DHRS3: variants seen among roughly 807,000 people sequenced by gnomAD.
DHRS3 encodes short-chain dehydrogenase/reductase 3.
DHRS3 carries 14 observed loss-of-function variants against 27.2 expected under a neutral mutation model. The observed-to-expected ratio is 0.52, with a 90% CI of 0.34 to 0.81. The LOEUF (loss-of-function observed/expected upper bound fraction) is 0.81. Ranked by LOEUF, DHRS3 falls within the 30% of genes least tolerant of loss-of-function variation. The probability of loss-of-function intolerance (pLI) is 0.01; values close to 1 mark genes in which losing one functional copy is unlikely to be tolerated. For missense variants in DHRS3, 322 were observed against 406.2 expected, an observed-to-expected ratio of 0.79 and a Z score of 1.78; for synonymous variants, 165 against 175.9, an observed-to-expected ratio of 0.94 and a Z score of 0.49.
chr1:12,612,468 T>C (rs996243022), intron 1 of DHRS3, among the ~76,000 whole-genome samples: 3 of 152,198 alleles, frequency 2.0e-5, no homozygotes, highest in Admixed American at 2.0e-4. Context: ...GATCAGGTGG[T>C]TTCTTGTACC....
chr1:12,595,337 A>G (rs1192929306), intron 1 of DHRS3, among the ~76,000 whole-genome samples: 1 of 149,730 alleles, frequency 6.7e-6, no homozygotes, highest in Non-Finnish European at 1.5e-5. Context: ...GGAGCCGCCA[A>G]GCCTCAGCGG....
At chr1:12,602,085 C>T (rs1470771345) in intron 1 of DHRS3, among the ~76,000 whole-genome samples, 3 of 152,206 alleles carry the variant, frequency 2.0e-5, no homozygotes, top group Admixed American at 6.5e-5. Flanking sequence ...AGCCACAAAG[C>T]GTGGTGAGTT....
intron 1 of DHRS3, among the ~76,000 whole-genome samples, chr1:12,604,798 C>T (rs975551035): frequency 3.9e-5 from 6 of 152,140 alleles, no homozygotes; most frequent in Non-Finnish European, 8.8e-5. Context: ...CGCCTGTAAT[C>T]CCCGCACTTT....
rs769835483 is a variant in DHRS3, at chr1:12,574,775, G to A, written c.699-1922C>T. Among the ~76,000 whole-genome samples, 18 of 152,226 alleles carry A rather than the reference G, an allele frequency of 1.2e-4. No individual in the cohort carries two copies. Among genetic ancestry groups the A allele is most frequent in the Non-Finnish European group, 2.5e-4 (17 of 68,046 alleles). ...GGATTTTCTCCTTCCTCTCCACGGT[G>A]TGTGGGATGGGGACACGGGGAACTG... On this transcript the variant is annotated intron_variant, in intron 4 of 5. Transcript: ENST00000616661. The surrounding 1 kb of genome is among the most constrained non-coding windows in gnomAD (Gnocchi z 4.6).
intron 1 of DHRS3, among the ~76,000 whole-genome samples, chr1:12,583,685 T>G (rs1344497399): frequency 2.0e-5 from 3 of 147,774 alleles, no homozygotes; most frequent in Non-Finnish European, 4.5e-5. Context: ...TGTCCATCCA[T>G]CCATCCACCC....
At chr1:12,571,893 G>A (rs1646541535) in intron 5 of DHRS3, among the ~76,000 whole-genome samples, 1 of 152,060 alleles carries the variant, frequency 6.6e-6, no homozygotes, top group African/African-American at 2.4e-5. Flanking sequence ...TTCTCTCAGT[G>A]AATGGTAGAA....
intron 1 of DHRS3, among the ~76,000 whole-genome samples, chr1:12,582,237 T>A (rs1646650748): frequency 6.6e-6 from 1 of 152,212 alleles, no homozygotes; most frequent in South Asian, 2.1e-4. Context: ...GACTGTCACT[T>A]AAGCAGAGAG....
At position 12,601,335 on chromosome 1, in the gene DHRS3, A is replaced by G. The variant is rs6698488; in HGVS notation, c.195+15819T>C. 9.7e-3 allele frequency among the ~76,000 whole-genome samples: 1,476 copies of G among 152,132 alleles called. 25 individuals carry two copies. The highest frequency in any genetic ancestry group is 0.034 in the African/African-American group (1,401 of 41,504). On this transcript the variant is annotated intron_variant, in intron 1 of 5. Coordinates refer to ENST00000616661, the MANE Select transcript of DHRS3 (RefSeq NM_004753.7). ...ACCCAGTCACTGCCAGAGAGACCCA[A>G]TTCCTGGACCCTTCCAGGACTTCTG... is the stretch of plus-strand genomic sequence containing the variant.
chr1:12,598,248 C>A (rs1327906392), intron 1 of DHRS3, among the ~76,000 whole-genome samples: 1 of 152,108 alleles, frequency 6.6e-6, no homozygotes, highest in Non-Finnish European at 1.5e-5. Flanking sequence ...GTTAGCCAGG[C>A]ATGGTGGTGC....
intron 1 of DHRS3, among the ~76,000 whole-genome samples, chr1:12,581,329 C>G (rs1020833172): frequency 1.3e-5 from 2 of 152,188 alleles, no homozygotes; most frequent in Admixed American, 1.3e-4. Context: ...CTCCAGAATG[C>G]TCTCCATTAG....
At chr1:12,581,049 A>G (rs1225819860) in intron 1 of DHRS3, among the ~76,000 whole-genome samples, 1 of 151,874 alleles carries the variant, frequency 6.6e-6, no homozygotes, top group Non-Finnish European at 1.5e-5. Context: ...GCTGGTCTTG[A>G]ACTCCTGGGT....
intron 4 of DHRS3, among the ~76,000 whole-genome samples, chr1:12,577,001 G>A (rs993124984): frequency 4.6e-5 from 7 of 151,580 alleles, no homozygotes; most frequent in South Asian, 4.2e-4. Context: ...AATCAACACC[G>A]CACTGTCCCG....
chr1:12,576,815 G>A (rs900417508), intron 4 of DHRS3, among the ~76,000 whole-genome samples: 3 of 149,648 alleles, frequency 2.0e-5, no homozygotes, highest in East Asian at 1.9e-4. Flanking sequence ...TTATTGTTAG[G>A]AAAAATAATA....
chr1:12,586,487 G>A lies in DHRS3; in HGVS notation c.196-5821C>T, dbSNP rs927640294. Reference sequence around the variant, plus strand: ...TCCATCCAGCACCACACGGACAGCCGGCTATGGGCTGGGGTGGTGATCCAA... The same window carrying A: ...TCCATCCAGCACCACACGGACAGCCAGCTATGGGCTGGGGTGGTGATCCAA... On this transcript the variant is annotated intron_variant, in intron 1 of 5. Coordinates refer to ENST00000616661, the MANE Select transcript of DHRS3 (RefSeq NM_004753.7). The surrounding 1 kb of genome is among the most constrained non-coding windows in gnomAD (Gnocchi z 5.0). 2.0e-5 allele frequency among the ~76,000 whole-genome samples: 3 copies of A among 152,180 alleles called. No individual in the cohort carries two copies. Among genetic ancestry groups the A allele is most frequent in the Non-Finnish European group, 4.4e-5 (3 of 68,032 alleles).
At chr1:12,605,078 C>A (rs1476794971) in intron 1 of DHRS3, among the ~76,000 whole-genome samples, 417 of 98,166 alleles carry the variant, frequency 4.2e-3, no homozygotes, top group South Asian at 6.2e-3. Flanking sequence ...AACTCCATCT[C>A]AAAAAAAAAA....
intron 1 of DHRS3, among the ~76,000 whole-genome samples, chr1:12,588,816 C>T (rs921803316): frequency 3.3e-5 from 5 of 152,212 alleles, no homozygotes; most frequent in Non-Finnish European, 5.9e-5. Flanking sequence ...TCTCTGGGTG[C>T]GTCCCAGGAG....
intron 1 of DHRS3, among the ~76,000 whole-genome samples, chr1:12,602,286 T>C (rs1019951425): frequency 2.0e-5 from 3 of 152,190 alleles, no homozygotes; most frequent in African/African-American, 7.2e-5. Flanking sequence ...GAAAGGCCTA[T>C]GTTGGACCAG....
rs937859534 is a variant in DHRS3, at chr1:12,591,746, T to A, written c.196-11080A>T. On this transcript the variant is annotated intron_variant, in intron 1 of 5. Transcript: ENST00000616661. This position sits in a 1 kb window ranked among gnomAD's most constrained non-coding sequence, Gnocchi z 4.1. ...GCGGTAGAGCTGGGACCTCAACTTA[T>A]GCAATCTGTGCCCTTGGCCACTGAC... Among the ~76,000 whole-genome samples, 2 of 152,212 alleles carry A rather than the reference T, an allele frequency of 1.3e-5. No individual in the cohort carries two copies. Among genetic ancestry groups the A allele is most frequent in the African/African-American group, 4.8e-5 (2 of 41,456 alleles).
In DHRS3 at chr1:12,574,527, A is replaced by G. The variant is rs1225345589; in HGVS notation, c.699-1674T>C. Reference sequence around the variant, plus strand: ...TGGTCAAGAGGGGCCAGCCTCTGCCATTCTACAGAGATGAACGTGTTGAGG... The same window carrying G: ...TGGTCAAGAGGGGCCAGCCTCTGCCGTTCTACAGAGATGAACGTGTTGAGG... On this transcript the variant is annotated intron_variant, in intron 4 of 5. Coordinates refer to ENST00000616661, the MANE Select transcript of DHRS3 (RefSeq NM_004753.7). This position sits in a 1 kb window ranked among gnomAD's most constrained non-coding sequence, Gnocchi z 4.6. Among the ~76,000 whole-genome samples the G allele has an allele frequency of 6.6e-6, 1 of 152,192 alleles. No homozygotes were observed. The highest frequency in any genetic ancestry group is 1.5e-5 in the Non-Finnish European group (1 of 68,040).
Sources: gnomAD v4.1 joint callset for allele counts (sites outside exome capture counted in the v4.1 genomes callset) on GRCh38, gnomAD v4.1.1 for gene constraint, Gnocchi (gnomAD v3.1) non-coding constraint, MANE v1.5 for transcripts, NCBI Gene and HGNC (gene_info 2026-07-23, HGNC 2026-07-21) for gene names.